The following NCKAP5 variants were observed in gnomAD, a reference collection of about 807,000 sequenced individuals.
The protein encoded by NCKAP5 is nck-associated protein 5.
NCKAP5 carries 92 observed loss-of-function variants against 167.0 expected under a neutral mutation model. That is an observed-to-expected ratio of 0.55 (90% CI 0.47 to 0.66). The LOEUF is 0.66. Ranked by LOEUF, NCKAP5 falls within the 30% of genes least tolerant of loss-of-function variation. NCKAP5 has a pLI of 0.00. For missense variants in NCKAP5, 2,378 were observed against 2,315.0 expected, an observed-to-expected ratio of 1.03 and a Z score of -0.56; for synonymous variants, 891 against 877.4, an observed-to-expected ratio of 1.02 and a Z score of -0.27.
intron 8 of NCKAP5, among the ~76,000 whole-genome samples, chr2:132,928,859 G>A (rs998737739): frequency 4.6e-5 from 7 of 152,072 alleles, no homozygotes; most frequent in African/African-American, 1.7e-4. Flanking sequence ...GGTGGCTCAT[G>A]CCTGTAATCC....
chr2:132,995,574 C>A (rs1395473722), intron 6 of NCKAP5, among the ~76,000 whole-genome samples: 1 of 151,948 alleles, frequency 6.6e-6, no homozygotes, highest in African/African-American at 2.4e-5. Context: ...TCGCTTGAAC[C>A]TGGAAGGCAG....
chr2:133,338,903 C>T (rs1337310338), intron 3 of NCKAP5, among the ~76,000 whole-genome samples: 3 of 151,984 alleles, frequency 2.0e-5, no homozygotes, highest in African/African-American at 7.3e-5. Context: ...ACCTGTAATC[C>T]CAGATACTCG....
intron 4 of NCKAP5, among the ~76,000 whole-genome samples, chr2:133,277,182 G>A (rs182514403): frequency 1.3e-5 from 2 of 152,190 alleles, no homozygotes; most frequent in African/African-American, 4.8e-5. Context: ...TGGATTCAAT[G>A]CAATTATGCA....
intron 6 of NCKAP5, among the ~76,000 whole-genome samples, chr2:133,062,952 TGA>T (rs1268728045): frequency 2.6e-5 from 4 of 152,314 alleles, no homozygotes; most frequent in African/African-American, 7.2e-5. Flanking sequence ...CATAAGGATG[TGA>T]ATGTATTAGG....
At chr2:133,293,487 C>A (rs544368186) in intron 4 of NCKAP5, among the ~76,000 whole-genome samples, 1 of 152,284 alleles carries the variant, frequency 6.6e-6, no homozygotes, top group African/African-American at 2.4e-5. Context: ...AGATGTCTTT[C>A]TGGACGTAGT....
chr2:132,774,609 G>A (rs1447841235), intron 15 of NCKAP5, among the ~76,000 whole-genome samples: 1 of 152,146 alleles, frequency 6.6e-6, no homozygotes, highest in East Asian at 1.9e-4. Flanking sequence ...TGAGAATTCT[G>A]AGGTCTAGGA....
intron 3 of NCKAP5, among the ~76,000 whole-genome samples, chr2:133,307,080 G>A (rs1030969214): frequency 1.3e-5 from 2 of 152,102 alleles, no homozygotes; most frequent in African/African-American, 4.8e-5. Flanking sequence ...ACCTCATTCA[G>A]CACAAAGATA....
chr2:132,684,583 A>T (rs920673700), intron 19 of NCKAP5, among the ~76,000 whole-genome samples: 1 of 152,150 alleles, frequency 6.6e-6, no homozygotes, highest in African/African-American at 2.4e-5. Flanking sequence ...AAATAACCCA[A>T]CGTAACAGGT....
At chr2:132,869,099 C>G (rs1331124344) in intron 9 of NCKAP5, 125 bp from the exon 10 acceptor site, 1 of 581,094 alleles carries the variant, frequency 1.7e-6, no homozygotes, top group Non-Finnish European at 2.9e-6. Flanking sequence ...CCTCTTTCCT[C>G]TATATGCAGA....
intron 8 of NCKAP5, among the ~76,000 whole-genome samples, chr2:132,899,458 C>G (rs1467302369): frequency 1.3e-5 from 2 of 152,278 alleles, no homozygotes; most frequent in East Asian, 3.8e-4. Flanking sequence ...TAAATTCCTT[C>G]AACAACTATT....
chr2:133,246,240 C>A (rs1307710968), intron 4 of NCKAP5, among the ~76,000 whole-genome samples: 1 of 149,484 alleles, frequency 6.7e-6, no homozygotes, highest in Non-Finnish European at 1.5e-5. Context: ...ACACTGAAAA[C>A]CAAACTGTAT....
At chr2:133,399,493 T>C (rs1251815366) in intron 3 of NCKAP5, among the ~76,000 whole-genome samples, 1 of 152,040 alleles carries the variant, frequency 6.6e-6, no homozygotes, top group African/African-American at 2.4e-5. Context: ...TACATATAGA[T>C]AGGCAAGAAT....
At chr2:133,532,542 A>C (rs1472258346) in intron 2 of NCKAP5, among the ~76,000 whole-genome samples, 1 of 152,212 alleles carries the variant, frequency 6.6e-6, no homozygotes, top group East Asian at 1.9e-4. Flanking sequence ...GGGCTCTGGC[A>C]GTGCTAGATG....
At chr2:133,167,649 C>A (rs544639291) in intron 5 of NCKAP5, among the ~76,000 whole-genome samples, 1 of 152,214 alleles carries the variant, frequency 6.6e-6, no homozygotes, top group South Asian at 2.1e-4. Flanking sequence ...CACCATGATA[C>A]CCTGGATCAA....
intron 11 of NCKAP5, among the ~76,000 whole-genome samples, chr2:132,822,254 AAGCC>A (rs1274778576): frequency 1.3e-5 from 2 of 152,198 alleles, no homozygotes; most frequent in African/African-American, 4.8e-5. Context: ...GTATTCAAGA[AAGCC>A]AGCACATTGA....
chr2:133,320,632 G>A (rs1681975490), intron 3 of NCKAP5, among the ~76,000 whole-genome samples: 1 of 152,132 alleles, frequency 6.6e-6, no homozygotes, highest in South Asian at 2.1e-4. Flanking sequence ...GGAGGCTGAG[G>A]CAGGGGAATG....
chr2:133,384,888 A>C (rs1339082498), intron 3 of NCKAP5, among the ~76,000 whole-genome samples: 1 of 152,164 alleles, frequency 6.6e-6, no homozygotes, highest in Non-Finnish European at 1.5e-5. Flanking sequence ...ATTTTTGTAC[A>C]TTGATTTTGT....
chr2:132,893,001 A>G (rs1671610002), intron 8 of NCKAP5, among the ~76,000 whole-genome samples: 1 of 132,676 alleles, frequency 7.5e-6, no homozygotes, highest in Non-Finnish European at 1.5e-5. Context: ...AAAGCTGAAA[A>G]AAAAAAAAAA....
At chr2:133,144,257 A>G (rs2083105031) in intron 5 of NCKAP5, among the ~76,000 whole-genome samples, 1 of 152,084 alleles carries the variant, frequency 6.6e-6, no homozygotes, top group Non-Finnish European at 1.5e-5. Context: ...GTAATGACTC[A>G]ATTCTGCTCT....
Sources: gnomAD v4.1 joint callset for allele counts (sites outside exome capture counted in the v4.1 genomes callset) on GRCh38, gnomAD v4.1.1 for gene constraint, MANE v1.5 for transcripts, NCBI Gene and HGNC (gene_info 2026-07-23, HGNC 2026-07-21) for gene names.